The following PTPRN2 variants were observed in gnomAD, a reference collection of about 807,000 sequenced individuals.
PTPRN2 encodes the protein receptor-type tyrosine-protein phosphatase N2.
Under a neutral mutation model 118.8 loss-of-function variants are expected in PTPRN2, and 74 were observed. That is an observed-to-expected ratio of 0.62 (90% CI 0.52 to 0.76). The LOEUF is 0.76. Among genes scored for constraint, PTPRN2 ranks in the 30% least tolerant of loss-of-function variants. The probability of loss-of-function intolerance (pLI) is 0.00; values close to 1 mark genes in which losing one functional copy is unlikely to be tolerated. For missense variants in PTPRN2, 1,481 were observed against 1,394.4 expected, an observed-to-expected ratio of 1.06 and a Z score of -0.99; for synonymous variants, 641 against 608.0, an observed-to-expected ratio of 1.05 and a Z score of -0.80.
chr7:158,245,236 C>T (rs994170515), intron 3 of PTPRN2, among the ~76,000 whole-genome samples: 3 of 148,850 alleles, frequency 2.0e-5, no homozygotes, highest in African/African-American at 7.4e-5. Context: ...ATGGCCATGC[C>T]GGAATCCGTG....
chr7:157,785,346 G>A lies in PTPRN2; in HGVS notation c.1789-102409C>T, dbSNP rs1309862822. On this transcript the variant is annotated intron_variant, in intron 12 of 22. Transcript: ENST00000389418. The surrounding 1 kb of genome is among the most constrained non-coding windows in gnomAD (Gnocchi z 7.3). ...TGCCGCGGGTCCCCCCAACCCCAAAGCCACTGAGTGAAAACAGACCACGGT... is the reference window on the plus strand; with the variant it reads ...TGCCGCGGGTCCCCCCAACCCCAAAACCACTGAGTGAAAACAGACCACGGT... Among the ~76,000 whole-genome samples, 1 of 152,190 alleles carries A rather than the reference G, an allele frequency of 6.6e-6. No individual in the cohort carries two copies. Among genetic ancestry groups the A allele is most frequent in the African/African-American group, 2.4e-5 (1 of 41,448 alleles).
At position 157,898,679 on chromosome 7, in the gene PTPRN2, G is replaced by C. The variant is rs117087228; in HGVS notation, c.1782C>G (p.Val594=). 8,692 of 1,598,438 alleles carry C rather than the reference G, an allele frequency of 5.4e-3. 32 individuals are homozygous for C. Among genetic ancestry groups the C allele is most frequent in the Non-Finnish European group, 6.9e-3 (8,080 of 1,165,718 alleles). ...CACCCCTTCTGTTACTCACCGACCC[G>C]ACTCCGGTTTGAAGAATTTTCAGTC... ...TSGLKILQTG[V]GSKSKLKFLP... Residue 594 remains valine (V), a synonymous_variant, in exon 12 of 23, where the codon GTC becomes GTG. Transcript: ENST00000389418.
intron 14 of PTPRN2, among the ~76,000 whole-genome samples, chr7:157,633,538 C>T (rs1047915962): frequency 4.6e-5 from 7 of 152,218 alleles, no homozygotes; most frequent in African/African-American, 9.6e-5. Context: ...TAAGAAGATG[C>T]GGACAAGAGT....
At chr7:157,943,312 C>G (rs1003220215) in intron 11 of PTPRN2, among the ~76,000 whole-genome samples, 5 of 152,166 alleles carry the variant, frequency 3.3e-5, no homozygotes, top group African/African-American at 1.2e-4. Context: ...CCCAGAGGGT[C>G]TCAGGGACTT....
chr7:157,913,464 A>C (rs557077246), intron 11 of PTPRN2, among the ~76,000 whole-genome samples: 1 of 152,326 alleles, frequency 6.6e-6, no homozygotes, highest in South Asian at 2.1e-4. Context: ...GAGAGCCCAC[A>C]TCCCTGTCTT....
chr7:157,843,602 C>T (rs543667888), intron 12 of PTPRN2, among the ~76,000 whole-genome samples: 23 of 152,292 alleles, frequency 1.5e-4, no homozygotes, highest in Non-Finnish European at 2.8e-4. Flanking sequence ...GGTGGAGAGA[C>T]GGCTGGTGCA....
At chr7:158,153,446 G>A (rs2150541604) in intron 6 of PTPRN2, among the ~76,000 whole-genome samples, 1 of 152,284 alleles carries the variant, frequency 6.6e-6, no homozygotes, top group South Asian at 2.1e-4. Flanking sequence ...TGCCCACTGG[G>A]GCTTTAGGAG....
At chr7:158,440,057 T>G (rs1450939885) in intron 2 of PTPRN2, among the ~76,000 whole-genome samples, 1 of 152,234 alleles carries the variant, frequency 6.6e-6, no homozygotes, top group African/African-American at 2.4e-5. Flanking sequence ...TACTGGGTCC[T>G]GACAACCTCC....
intron 10 of PTPRN2, among the ~76,000 whole-genome samples, chr7:158,089,238 A>G (rs376959420): frequency 3.7e-4 from 10 of 27,192 alleles, no homozygotes; most frequent in Non-Finnish European, 5.3e-4. Flanking sequence ...CTGAGGAAAG[A>G]GGGAGTCTTC....
chr7:157,621,500 C>G lies in PTPRN2; in HGVS notation c.2206G>C (p.Glu736Gln). The change falls in exon 15 of 23, where the codon GAG becomes CAG. Residue 736 changes from glutamate to glutamine, a missense_variant. Around this residue, in one of 3 missense-constraint regions of PTPRN2, gnomAD observed 362 missense variants for 384.1 expected, o/e 0.94. Coordinates refer to ENST00000389418, the MANE Select transcript of PTPRN2 (RefSeq NM_002847.5). The part of the protein sequence containing the change: ...STGHMILSYM[E>Q]DHLKNKNRLE... ...CGGTTCTTGTTCTTCAGGTGGTCCT[C>G]CATGTAGGACTGAAAGGGAAACACA... 6.2e-7 allele frequency: 1 copy of G among 1,613,008 alleles called. No homozygotes were observed. The highest frequency in any genetic ancestry group is 8.5e-7 in the Non-Finnish European group (1 of 1,180,034).
Position 157,794,272 on chromosome 7 carries a change from C to T in PTPRN2, c.1788+104401G>A, listed in dbSNP as rs1290365951. 7.9e-5 allele frequency among the ~76,000 whole-genome samples: 12 copies of T among 151,564 alleles called. No individual in the cohort carries two copies. Among genetic ancestry groups the T allele is most frequent in the Non-Finnish European group, 1.8e-4 (12 of 67,872 alleles). ...GGCTCACACCTCCCCTCGTTCTCTGCTCCGACCCGGGCTCACACCTCCCCT... is the reference window on the plus strand; with the variant it reads ...GGCTCACACCTCCCCTCGTTCTCTGTTCCGACCCGGGCTCACACCTCCCCT... On this transcript the variant is annotated intron_variant, in intron 12 of 22. Coordinates refer to ENST00000389418, the MANE Select transcript of PTPRN2 (RefSeq NM_002847.5). The surrounding 1 kb of genome is among the most constrained non-coding windows in gnomAD (Gnocchi z 5.2).
At chr7:158,018,939 G>A (rs1169876118) in intron 11 of PTPRN2, among the ~76,000 whole-genome samples, 1 of 113,594 alleles carries the variant, frequency 8.8e-6, no homozygotes, top group African/African-American at 3.5e-5. Context: ...CAGCCTGGCA[G>A]ACAAGAGGGA....
At chr7:157,565,991 C>T (rs1244245926) in intron 21 of PTPRN2, among the ~76,000 whole-genome samples, 5 of 152,214 alleles carry the variant, frequency 3.3e-5, no homozygotes. Context: ...ACTGCATCAT[C>T]GTCTACTTGC....
intron 1 of PTPRN2, among the ~76,000 whole-genome samples, chr7:158,500,454 C>A (rs1286639882): frequency 1.3e-5 from 2 of 152,192 alleles, no homozygotes; most frequent in African/African-American, 4.8e-5. Context: ...GTAAAAGTCC[C>A]CCAGGGAATT....
At chr7:157,571,383 C>T in intron 20 of PTPRN2, 57 bp downstream of exon 20, 1 of 1,324,136 alleles carries the variant, frequency 7.6e-7, no homozygotes, top group Non-Finnish European at 1.1e-6. Context: ...TATTTAATTG[C>T]ATAGATTAGT....
intron 10 of PTPRN2, among the ~76,000 whole-genome samples, chr7:158,097,376 G>A (rs776634391): frequency 6.6e-6 from 1 of 152,126 alleles, no homozygotes; most frequent in Admixed American, 6.5e-5. Flanking sequence ...CTGCCTCTTC[G>A]GTAATAACAC....
chr7:157,863,310 A>G (rs979560569), intron 12 of PTPRN2: 2 of 152,264 alleles, frequency 1.3e-5, no homozygotes, highest in African/African-American at 4.8e-5. Context: ...CTTTGCTTTT[A>G]CAGGTCTCAC....
At chr7:158,188,994 G>A (rs185952016) in intron 5 of PTPRN2, among the ~76,000 whole-genome samples, 34 of 152,236 alleles carry the variant, frequency 2.2e-4, no homozygotes, top group Admixed American at 1.6e-3. Flanking sequence ...CACTGTGCTC[G>A]GCCTAGGAAG....
At chr7:157,588,340 G>A (rs1373192902) in intron 17 of PTPRN2, among the ~76,000 whole-genome samples, 3 of 152,240 alleles carry the variant, frequency 2.0e-5, no homozygotes, top group African/African-American at 7.2e-5. Context: ...TGGCGCAGCA[G>A]GTGCAGGCAG....
Sources: gnomAD v4.1 joint callset for allele counts (sites outside exome capture counted in the v4.1 genomes callset) on GRCh38, gnomAD v4.1.1 for gene constraint, gnomAD v4.1.1 regional missense constraint, Gnocchi (gnomAD v3.1) non-coding constraint, MANE v1.5 for transcripts, NCBI Gene and HGNC (gene_info 2026-07-23, HGNC 2026-07-21) for gene names.